Variants in HACD3 observed in about 807,000 individuals in gnomAD.
The protein encoded by HACD3 is 3-hydroxyacyl-CoA dehydratase 3, also known as very-long-chain (3R)-3-hydroxyacyl-CoA dehydratase 3.
In HACD3, 30 loss-of-function variants were observed where a neutral mutation model predicts 55.2. The ratio of observed to expected loss-of-function variants is 0.54; its 90% CI spans 0.41 to 0.74. The LOEUF is 0.74. HACD3 is among the 30% of genes least tolerant of loss of function. The pLI is 0.00. For missense variants in HACD3, 363 were observed against 440.1 expected (o/e 0.82, Z 1.57); for synonymous variants, 141 against 151.7 (o/e 0.93, Z 0.52).
At chr15:65,574,467 A>AG (rs1364216401) in intron 10 of HACD3, 2 of 152,262 alleles carry the variant, frequency 1.3e-5, no homozygotes, top group Non-Finnish European at 2.9e-5. Flanking sequence ...GACTACACAA[A>AG]GGTATGAAAT....
At chr15:65,533,268 T>C (rs1212851607) in intron 1 of HACD3, among the ~76,000 whole-genome samples, 2 of 152,182 alleles carry the variant, frequency 1.3e-5, no homozygotes, top group East Asian at 3.9e-4. Context: ...ATTATAGGAT[T>C]TGGGTGTTGG....
intron 7 of HACD3, among the ~76,000 whole-genome samples, chr15:65,567,424 G>C (rs2072302811): frequency 6.6e-6 from 1 of 152,068 alleles, no homozygotes; most frequent in African/African-American, 2.4e-5. Context: ...AAGGAATAGA[G>C]AGCACAAAAA....
chr15:65,549,597 C>T (rs1161117648), intron 1 of HACD3, among the ~76,000 whole-genome samples: 1 of 110,702 alleles, frequency 9.0e-6, no homozygotes, highest in East Asian at 2.4e-4. Context: ...GAGATTCCAT[C>T]TCAAAAAAAA....
At chr15:65,537,921 G>C (rs1050095146) in intron 1 of HACD3, among the ~76,000 whole-genome samples, 2 of 130,438 alleles carry the variant, frequency 1.5e-5, no homozygotes, top group Non-Finnish European at 3.1e-5. Context: ...CCACTGTTGA[G>C]GCCAACTTCT....
intron 2 of HACD3, 144 bp from the exon 3 acceptor site, chr15:65,554,743 C>G (rs561577867): frequency 7.7e-6 from 4 of 520,908 alleles, no homozygotes; most frequent in Non-Finnish European, 1.4e-5. Flanking sequence ...CCACTGCACT[C>G]CAGCCTGGGC....
intron 1 of HACD3, among the ~76,000 whole-genome samples, chr15:65,543,498 CT>C (rs1596206421): frequency 6.6e-6 from 1 of 152,156 alleles, no homozygotes; most frequent in East Asian, 1.9e-4. Context: ...TATTAGGAAG[CT>C]TTTCACTGTA....
Position 65,537,508 on chromosome 15 carries a change from C to T in HACD3, c.87+6790C>T, listed in dbSNP as rs1480417096. Among the ~76,000 whole-genome samples the T allele has an allele frequency of 2.0e-5, 3 of 151,438 alleles. No homozygotes were observed. In the East Asian group the frequency reaches 5.8e-4, roughly 29 times the overall value. On this transcript the variant is annotated intron_variant, in intron 1 of 10. Transcript: ENST00000261875. ...AGGGCCCTTAAGAATTATGTTAAAT[C>T]GGCCGGGCATGGTGGCTCATGTCTG...
At chr15:65,566,825 T>G (rs1180340077) in intron 7 of HACD3, 2 of 152,218 alleles carry the variant, frequency 1.3e-5, no homozygotes, top group Non-Finnish European at 2.9e-5. Flanking sequence ...CTATTTCAGG[T>G]CTTTTTCATT....
chr15:65,565,737 CTTGGGGATTACA>C (rs1157485688), intron 7 of HACD3: 1 of 152,204 alleles, frequency 6.6e-6, no homozygotes, highest in Non-Finnish European at 1.5e-5. Flanking sequence ...TCCCCATGGT[CTTGGGGATTACA>C]TTGGGGATTA....
chr15:65,542,242 A>AAG lies in HACD3; in HGVS notation c.88-9433_88-9432insGA, dbSNP rs1555483040. Among the ~76,000 whole-genome samples, 303 of 140,592 alleles carry AAG rather than the reference A, an allele frequency of 2.2e-3. 2 individuals carry two copies. Among genetic ancestry groups the AAG allele is most frequent in the African/African-American group, 7.3e-3 (290 of 39,680 alleles). 92.2% of individuals were successfully genotyped at this position (140,592 alleles called of 152,430 possible). A position where few individuals can be genotyped will look rare whatever the true frequency, so the allele number is the denominator to read the frequency against. On this transcript the variant is annotated intron_variant, in intron 1 of 10. Transcript: ENST00000261875. ...GACTCCATCTCAAAAAAAAAAAAAA[A>AAG]AAAAGAAAAGAAAAGAATATCTGTT...
At chr15:65,572,442 A>C in intron 10 of HACD3, 76 bp downstream of exon 10, 1 of 1,405,340 alleles carries the variant, frequency 7.1e-7, no homozygotes, top group Non-Finnish European at 9.5e-7. Flanking sequence ...CAGAAATGTA[A>C]AAGTCCATAT....
At chr15:65,535,195 G>C (rs949033009) in intron 1 of HACD3, among the ~76,000 whole-genome samples, 1 of 152,114 alleles carries the variant, frequency 6.6e-6, no homozygotes, top group Non-Finnish European at 1.5e-5. Context: ...TATTGGAAAG[G>C]GGGAGAATGT....
rs78181111 is a variant in HACD3, at chr15:65,558,720, G to C, written c.410G>C (p.Gly137Ala). ...RLNKLRLESE[G>A]SPETLTNLRK... ...AATAAACTCCGACTGGAAAGCGAAG[G>C]CTCTCCTGAAAGTAAGTTGTGCTGC... Residue 137 changes from glycine to alanine, a missense_variant, in exon 5 of 11, where the codon GGC (glycine) becomes GCC (alanine). By Grantham distance (60) the Gly-to-Ala change is moderately conservative. Coordinates refer to ENST00000261875, the MANE Select transcript of HACD3 (RefSeq NM_016395.4). The C allele has an allele frequency of 5.0e-6, 8 of 1,601,564 alleles. No homozygotes were observed. Among genetic ancestry groups the C allele is most frequent in the African/African-American group, 1.3e-5 (1 of 74,860 alleles).
intron 8 of HACD3, among the ~76,000 whole-genome samples, chr15:65,570,656 AT>A (rs1567340859): frequency 6.6e-6 from 1 of 152,104 alleles, no homozygotes; most frequent in African/African-American, 2.4e-5. Flanking sequence ...CTCTAACCCA[AT>A]TTTCCCGTTC....
At chr15:65,548,265 T>C (rs1192393072) in intron 1 of HACD3, among the ~76,000 whole-genome samples, 1 of 151,972 alleles carries the variant, frequency 6.6e-6, no homozygotes, top group Admixed American at 6.6e-5. Flanking sequence ...ATCCCAGCAG[T>C]TTGGTAGGCT....
chr15:65,533,821 A>AC lies in HACD3; in HGVS notation c.87+3104dup. On this transcript the variant is annotated intron_variant, in intron 1 of 10. Coordinates refer to ENST00000261875, the MANE Select transcript of HACD3 (RefSeq NM_016395.4). ...AATCCCAGCACTATGGGAGGCCGAG[A>AC]CGGGCGGATCATGAGGTCAGGAGAT... Among the ~76,000 whole-genome samples the AC allele has an allele frequency of 2.0e-5, 3 of 151,374 alleles. No individual in the cohort carries two copies. The South Asian group carries it at 6.3e-4, about 32-fold the overall frequency.
At position 65,548,531 on chromosome 15, in the gene HACD3, AG is replaced by A. The variant is rs1172062974; in HGVS notation, c.88-3144del. Among the ~76,000 whole-genome samples, 1,031 of 148,906 alleles carry A rather than the reference AG, an allele frequency of 6.9e-3. 14 individuals are homozygous for A. Among genetic ancestry groups the A allele is most frequent in the African/African-American group, 0.024 (980 of 40,494 alleles). Reference sequence around the variant, plus strand: ...CTGTCTCAAAAAAAAAAAAAAAAAAAGATGATTAAGATGATTTGAAAATTTT... The same window carrying A: ...CTGTCTCAAAAAAAAAAAAAAAAAAAATGATTAAGATGATTTGAAAATTTT... On this transcript the variant is annotated intron_variant, in intron 1 of 10. Transcript: ENST00000261875.
At chr15:65,551,966 G>A (rs2072137516) in intron 2 of HACD3, 1 of 407,222 alleles carries the variant, frequency 2.5e-6, no homozygotes, top group Non-Finnish European at 4.4e-6. Context: ...AAGAATCCTG[G>A]GTTAGAAATC....
At position 65,541,221 on chromosome 15, in the gene HACD3, A is replaced by T. The variant is rs1430080091; in HGVS notation, c.88-10455A>T. 4.6e-5 allele frequency among the ~76,000 whole-genome samples: 7 copies of T among 152,160 alleles called. No homozygotes were observed. In the East Asian group the frequency reaches 1.3e-3, roughly 29 times the overall value. ...CTGGGTGAAAATAGAATTTTATAGT[A>T]TCTTAGACTTAATTGATTGTAAAAT... On this transcript the variant is annotated intron_variant, in intron 1 of 10. Coordinates refer to ENST00000261875, the MANE Select transcript of HACD3 (RefSeq NM_016395.4).
Sources: gnomAD v4.1 joint callset for allele counts (sites outside exome capture counted in the v4.1 genomes callset) on GRCh38, gnomAD v4.1.1 for gene constraint, MANE v1.5 for transcripts, NCBI Gene and HGNC (gene_info 2026-07-23, HGNC 2026-07-21) for gene names.